NCKAP5: variants seen among roughly 807,000 people sequenced by gnomAD.
The protein encoded by NCKAP5 is nck-associated protein 5.
Under a neutral mutation model 167.0 loss-of-function variants are expected in NCKAP5, and 92 were observed. The ratio of observed to expected loss-of-function variants is 0.55; its 90% CI spans 0.47 to 0.66. The LOEUF is 0.66. Among genes scored for constraint, NCKAP5 ranks in the 30% least tolerant of loss-of-function variants. The pLI is 0.00. For synonymous variants in NCKAP5, 891 were observed against 877.4 expected, an observed-to-expected ratio of 1.02 and a Z score of -0.27; for missense variants, 2,378 against 2,315.0, an observed-to-expected ratio of 1.03 and a Z score of -0.56.
At chr2:133,457,687 C>G (rs1038968523) in intron 3 of NCKAP5, among the ~76,000 whole-genome samples, 1 of 152,072 alleles carries the variant, frequency 6.6e-6, no homozygotes, top group Admixed American at 6.6e-5. Flanking sequence ...AGGTGCAAGG[C>G]AACTCAAATA....
chr2:132,878,215 G>T (rs1055116947), intron 9 of NCKAP5, among the ~76,000 whole-genome samples: 15 of 152,134 alleles, frequency 9.9e-5, no homozygotes, highest in Admixed American at 9.8e-4. Flanking sequence ...ACTCTCAAAT[G>T]CCCATTATCT....
chr2:133,065,500 C>T (rs1057013858), intron 6 of NCKAP5, among the ~76,000 whole-genome samples: 1 of 152,178 alleles, frequency 6.6e-6, no homozygotes, highest in Non-Finnish European at 1.5e-5. Context: ...TGGCGCGTGC[C>T]TGTAGTCCCA....
intron 7 of NCKAP5, among the ~76,000 whole-genome samples, chr2:132,980,097 C>T (rs1219584493): frequency 1.3e-5 from 2 of 150,978 alleles, no homozygotes; most frequent in Admixed American, 6.6e-5. Flanking sequence ...TCAGGTGATA[C>T]TCCCACCTCA....
intron 3 of NCKAP5, among the ~76,000 whole-genome samples, chr2:133,309,408 C>T (rs1681071413): frequency 1.3e-5 from 2 of 152,074 alleles, no homozygotes; most frequent in Non-Finnish European, 2.9e-5. Flanking sequence ...ACAATGAACC[C>T]CCCTTTCCAC....
chr2:133,374,625 G>A (rs1435554), intron 3 of NCKAP5, among the ~76,000 whole-genome samples: 25,871 of 150,604 alleles, frequency 0.17, 2,246 homozygotes, highest in Non-Finnish European at 0.2. Flanking sequence ...TAGGGCAGTG[G>A]GTGGGGGATA....
chr2:132,783,445 T>C lies in NCKAP5; in HGVS notation c.3366A>G (p.Ser1122=). The change falls in exon 14 of 20, where the codon TCA becomes TCG. Residue 1122 remains serine, a synonymous_variant. Transcript: ENST00000409261. ...GGCTGTTATGGCTTTTGGCGGGTGA[T>C]GAGGATGATGAGGAACTGCTGACCT... The part of the protein sequence containing the change: ...SSQVSSSSSS[S]SPAKSHNSPH... The C allele has an allele frequency of 1.9e-6, 3 of 1,584,848 alleles. No individual in the cohort carries two copies. Among genetic ancestry groups the C allele is most frequent in the Non-Finnish European group, 2.6e-6 (3 of 1,165,654 alleles).
At chr2:133,638,084 T>A in the NCKAP5 span, among the ~76,000 whole-genome samples, 2 of 152,140 alleles carry the variant, frequency 1.3e-5, no homozygotes, top group Non-Finnish European at 2.9e-5. Context: ...AACTTACAAT[T>A]TCATACCTAG....
chr2:133,330,174 C>T (rs1217751480), intron 3 of NCKAP5, among the ~76,000 whole-genome samples: 1 of 146,378 alleles, frequency 6.8e-6, no homozygotes, highest in African/African-American at 2.5e-5. Context: ...TCAAGTGATC[C>T]TTCCAGCTCA....
chr2:133,475,587 T>C (rs1270625714), intron 3 of NCKAP5, among the ~76,000 whole-genome samples: 1 of 152,180 alleles, frequency 6.6e-6, no homozygotes, highest in African/African-American at 2.4e-5. Flanking sequence ...TATTAGAAAA[T>C]AGCAGGCGAT....
At chr2:132,878,970 T>A in intron 8 of NCKAP5, 54 bp from the exon 9 acceptor site, 1 of 1,377,094 alleles carries the variant, frequency 7.3e-7, no homozygotes, top group South Asian at 1.2e-5. Context: ...TTGTGTTATG[T>A]GACAACTTAT....
intron 6 of NCKAP5, among the ~76,000 whole-genome samples, chr2:133,059,318 T>C (rs151013919): frequency 1.5e-3 from 224 of 152,136 alleles, no homozygotes; most frequent in South Asian, 4.4e-3. Flanking sequence ...TATGTATATA[T>C]TCTGATATGC....
At chr2:133,426,388 A>G (rs1689803838) in intron 3 of NCKAP5, among the ~76,000 whole-genome samples, 1 of 151,908 alleles carries the variant, frequency 6.6e-6, no homozygotes, top group Non-Finnish European at 1.5e-5. Context: ...TTTATTTAAA[A>G]AAAAAAGATA....
chr2:133,197,333 A>G (rs1350341856), intron 5 of NCKAP5, among the ~76,000 whole-genome samples: 2 of 152,202 alleles, frequency 1.3e-5, no homozygotes, highest in Non-Finnish European at 2.9e-5. Context: ...TGTGAACACT[A>G]TGGAAAGTCA....
chr2:133,110,413 C>T (rs924243059), intron 6 of NCKAP5, among the ~76,000 whole-genome samples: 24 of 152,042 alleles, frequency 1.6e-4, no homozygotes, highest in African/African-American at 4.3e-4. Flanking sequence ...TAGATGGTGG[C>T]GAGGTTCACG....
the NCKAP5 span, among the ~76,000 whole-genome samples, chr2:133,669,959 C>T: frequency 2.0e-5 from 3 of 152,120 alleles, no homozygotes; most frequent in Admixed American, 1.3e-4. Flanking sequence ...TAGATTAATG[C>T]AATAGATTAA....
chr2:133,049,707 CCA>C (rs1450777655), intron 6 of NCKAP5, among the ~76,000 whole-genome samples: 1 of 152,108 alleles, frequency 6.6e-6, no homozygotes, highest in Non-Finnish European at 1.5e-5. Flanking sequence ...CAAGAGATTC[CCA>C]GAGATTCTCA....
intron 8 of NCKAP5, among the ~76,000 whole-genome samples, chr2:132,949,986 C>G (rs13385048): frequency 0.044 from 6,654 of 152,060 alleles, 447 homozygotes; most frequent in African/African-American, 0.15. Context: ...CCCATCTACT[C>G]GAGAGGCTGA....
chr2:133,598,161 G>T, the NCKAP5 span, among the ~76,000 whole-genome samples: 18 of 152,330 alleles, frequency 1.2e-4, no homozygotes, highest in Admixed American at 9.8e-4. Context: ...GATGGTAAGA[G>T]TGCCTAGTTC....
intron 8 of NCKAP5, among the ~76,000 whole-genome samples, chr2:132,879,149 C>A (rs1030231178): frequency 6.6e-6 from 1 of 152,154 alleles, no homozygotes; most frequent in African/African-American, 2.4e-5. Context: ...ACTTGATATT[C>A]TGAACAGGTA....
Sources: allele counts gnomAD v4.1 joint callset (sites outside exome capture counted in the v4.1 genomes callset), GRCh38; gene constraint gnomAD v4.1.1; transcripts MANE v1.5; gene names NCBI Gene and HGNC (gene_info 2026-07-23, HGNC 2026-07-21).